The following CFAP92 variants were observed in gnomAD, a reference collection of about 807,000 sequenced individuals.
CFAP92 encodes cilia and flagella associated protein 92 (putative).
Under a neutral mutation model 106.3 loss-of-function variants are expected in CFAP92, and 86 were observed. The observed-to-expected ratio is 0.81, with a 90% CI of 0.68 to 0.97. The LOEUF is 0.97. Among genes scored for constraint, CFAP92 ranks in the 50% least tolerant of loss-of-function variants. The pLI is 0.00. For missense variants in CFAP92, 1,204 were observed against 1,283.8 expected (o/e 0.94, Z 0.95); for synonymous variants, 477 against 506.4 (o/e 0.94, Z 0.78).
chr3:128,971,305 C>A lies in CFAP92; in HGVS notation c.1150G>T (p.Val384Phe). 6.2e-7 allele frequency: 1 copy of A among 1,613,730 alleles called. No individual in the cohort carries two copies. The highest frequency in any genetic ancestry group is 8.5e-7 in the Non-Finnish European group (1 of 1,179,812). Residue 384 changes from valine (V) to phenylalanine (F), a missense_variant, in exon 8 of 16, where the codon GTC (valine) becomes TTC (phenylalanine). Coordinates refer to ENST00000645291, the MANE Select transcript of CFAP92 (RefSeq NM_001394090.1). The stretch of plus-strand genomic sequence containing the variant: ...TGGGTACCGGCAAGGAGCGGCATGA[C>A]GGCCAGCTGGATGGAGAAAGCGCTC... ...KQSAFSIQLA[V>F]MPLLAGWQTV...
At position 129,001,602 on chromosome 3, in the gene CFAP92, C is replaced by G. The variant is rs1429674803; in HGVS notation, n.117+972G>C. On this transcript the variant is annotated intron_variant and non_coding_transcript_variant, in intron 1 of 4. Transcript: ENST00000510149. Reference sequence around the variant, plus strand: ...GGGGCGAAGGGACCGGAGGAGGGACCGGAGGAGCGAGGCGCGCGGCGCAGC... The same window carrying G: ...GGGGCGAAGGGACCGGAGGAGGGACGGGAGGAGCGAGGCGCGCGGCGCAGC... The G allele has an allele frequency of 3.0e-6, 4 of 1,355,478 alleles. No individual in the cohort carries two copies. In the African/African-American group the frequency reaches 4.6e-5, roughly 16 times the overall value. 84.0% of individuals were successfully genotyped at this position (1,355,478 alleles called of 1,614,324 possible).
rs202183844 is a variant in CFAP92 at position 128,910,071 on chromosome 3, C to T, written c.*228G>A. ...TGAAGCGGGTGGCCAACATCCTCAT[C>T]AACCTGTATGGCATGACGGCCGTGC... On this transcript the variant is annotated 3_prime_UTR_variant, in exon 16 of 16. Coordinates refer to ENST00000645291, the MANE Select transcript of CFAP92 (RefSeq NM_001394090.1). 22 of 1,614,056 alleles carry T rather than the reference C, an allele frequency of 1.4e-5. No individual in the cohort carries two copies. The highest frequency in any genetic ancestry group is 1.9e-5 in the Non-Finnish European group (22 of 1,180,018).
chr3:128,988,147 G>GCA (rs1943977363), intron 3 of CFAP92, among the ~76,000 whole-genome samples: 1 of 151,746 alleles, frequency 6.6e-6, no homozygotes, highest in South Asian at 2.1e-4. Context: ...ACACACACAT[G>GCA]CACACACACG....
In CFAP92 at chr3:128,988,726, A is replaced by C. The variant is rs775126686; in HGVS notation, c.453+2T>G. 1 of 1,613,484 alleles carries C rather than the reference A, an allele frequency of 6.2e-7. No individual in the cohort carries two copies. The highest frequency in any genetic ancestry group is 8.5e-7 in the Non-Finnish European group (1 of 1,179,750). On this transcript the variant is annotated splice_donor_variant, in intron 3 of 15. Coordinates refer to ENST00000645291, the MANE Select transcript of CFAP92 (RefSeq NM_001394090.1). LOFTEE classifies it high-confidence loss of function. ...CAAGGCCACACACACTCACACACGC[A>C]CCTTTACTCCTGACTCCAGGAATAC... is the stretch of plus-strand genomic sequence containing the variant.
intron 12 of CFAP92, among the ~76,000 whole-genome samples, chr3:128,921,479 C>T (rs1029210638): frequency 3.9e-5 from 6 of 152,206 alleles, no homozygotes; most frequent in African/African-American, 9.7e-5. Context: ...TTAAGGCTTG[C>T]GATGGCATTG....
At position 128,942,916 on chromosome 3, in the gene CFAP92, CTTTTTTTTTTT is replaced by C. The variant is rs36073693; in HGVS notation, c.2258+2144_2258+2154del. 2.0e-4 allele frequency among the ~76,000 whole-genome samples: 17 copies of C among 84,974 alleles called. 1 individual carries two copies. The highest frequency in any genetic ancestry group is 9.0e-4 in the Admixed American group (6 of 6,702). 55.7% of individuals were successfully genotyped at this position (84,974 alleles called of 152,430 possible). A position where few individuals can be genotyped will look rare whatever the true frequency, so the allele number is the denominator to read the frequency against. On this transcript the variant is annotated intron_variant, in intron 10 of 15. Coordinates refer to ENST00000645291, the MANE Select transcript of CFAP92 (RefSeq NM_001394090.1). ...AAGCTGGTCTTGAACAAAACTCAAC[CTTTTTTTTTTT>C]TTTTTTTTTTTGAGACGGAGTCTAG... is the stretch of plus-strand genomic sequence containing the variant.
chr3:128,931,527 G>GTA (rs57453990), intron 12 of CFAP92, among the ~76,000 whole-genome samples: 28,331 of 117,290 alleles, frequency 0.24, 2,914 homozygotes, highest in East Asian at 0.43. Flanking sequence ...GTATGTATGT[G>GTA]TATATATATA....
At chr3:129,024,430 C>T in the CFAP92 span, among the ~76,000 whole-genome samples, 2 of 151,602 alleles carry the variant, frequency 1.3e-5, no homozygotes, top group African/African-American at 4.9e-5. Flanking sequence ...ACTCGGGAGG[C>T]TGAGGCAGGA....
upstream of CFAP92, chr3:129,003,960 C>T (rs1478660945): frequency 3.5e-6 from 5 of 1,443,612 alleles, no homozygotes; most frequent in Non-Finnish European, 4.5e-6. Flanking sequence ...GCGGAGGAGG[C>T]CCGGCAGGTG....
chr3:129,007,621 C>T (rs1418670141), upstream of CFAP92, among the ~76,000 whole-genome samples: 5 of 152,196 alleles, frequency 3.3e-5, no homozygotes, highest in African/African-American at 7.2e-5. Context: ...GGTATTATGT[C>T]GGATGTTTCA....
intron 12 of CFAP92, among the ~76,000 whole-genome samples, chr3:128,925,504 A>G (rs1247480238): frequency 1.3e-5 from 2 of 152,178 alleles, no homozygotes; most frequent in East Asian, 3.8e-4. Context: ...AGGTTGAAGG[A>G]TGAAAAGGAG....
chr3:128,956,196 T>TAAAAAAA (rs577724635), intron 9 of CFAP92, among the ~76,000 whole-genome samples: 11 of 61,684 alleles, frequency 1.8e-4, no homozygotes, highest in East Asian at 4.3e-4. Flanking sequence ...AAAAAAAAAA[T>TAAAAAAA]AAAAAAAAAA....
At chr3:129,009,324 G>A in the CFAP92 span, among the ~76,000 whole-genome samples, 1,813 of 152,268 alleles carry the variant, frequency 0.012, 31 homozygotes, top group African/African-American at 0.034. Context: ...CTGGATTCAG[G>A]TACTCACGTA....
chr3:128,923,951 G>C (rs907583517), intron 12 of CFAP92, among the ~76,000 whole-genome samples: 3 of 152,126 alleles, frequency 2.0e-5, no homozygotes, highest in African/African-American at 7.2e-5. Flanking sequence ...CCTCTTAAAT[G>C]GATTAAGGCC....
chr3:128,967,057 T>C (rs980243148), intron 8 of CFAP92: 3 of 152,178 alleles, frequency 2.0e-5, no homozygotes, highest in African/African-American at 7.2e-5. Context: ...CTCAATTTCA[T>C]CTTCAAAATG....
upstream of CFAP92, among the ~76,000 whole-genome samples, chr3:128,997,674 T>C (rs1334297641): frequency 1.3e-5 from 2 of 152,262 alleles, no homozygotes; most frequent in Non-Finnish European, 2.9e-5. Context: ...AATATTCTAT[T>C]GTATGGACAG....
chr3:128,990,335 A>G (rs534900612), intron 2 of CFAP92, among the ~76,000 whole-genome samples: 131 of 152,324 alleles, frequency 8.6e-4, no homozygotes, highest in Admixed American at 4.2e-3. Context: ...CGTCTCTACT[A>G]AAAATACAAA....
chr3:128,961,635 A>C (rs988039566), intron 9 of CFAP92, among the ~76,000 whole-genome samples: 2 of 152,144 alleles, frequency 1.3e-5, no homozygotes, highest in South Asian at 2.1e-4. Flanking sequence ...GCTCTTTTTC[A>C]TCAAATATAA....
Position 128,965,733 on chromosome 3 carries a change from G to C in CFAP92, c.1169-38C>G, listed in dbSNP as rs979288093. 15 of 397,260 alleles carry C rather than the reference G, an allele frequency of 3.8e-5. No homozygotes were observed. In the Admixed American group the frequency reaches 6.7e-4, roughly 18 times the overall value. The allele number at this position is 397,260 out of a possible 1,614,324, so 24.6% of individuals were successfully genotyped here. On this transcript the variant is annotated intron_variant, in intron 8 of 15. Transcript: ENST00000645291. ...CACCCAGCATTAGACCTTTCCTCCCGACACCCCCAAGACACGCACAGAGGG... is the reference window on the plus strand; with the variant it reads ...CACCCAGCATTAGACCTTTCCTCCCCACACCCCCAAGACACGCACAGAGGG...
Sources: allele counts gnomAD v4.1 joint callset (sites outside exome capture counted in the v4.1 genomes callset), GRCh38; gene constraint gnomAD v4.1.1; transcripts MANE v1.5; gene names NCBI Gene and HGNC (gene_info 2026-07-23, HGNC 2026-07-21).